The following CCDC18 variants were observed in gnomAD, a reference collection of about 807,000 sequenced individuals.
The protein encoded by CCDC18 is coiled-coil domain containing 18, also known as coiled-coil domain-containing protein 18.
In CCDC18, 157 loss-of-function variants were observed where a neutral mutation model predicts 196.0. That is an observed-to-expected ratio of 0.80 (90% CI 0.70 to 0.91). CCDC18 has a LOEUF of 0.91. CCDC18 is among the 40% of genes least tolerant of loss of function. The pLI is 0.00. For missense variants in CCDC18, 1,465 were observed against 1,611.6 expected, an observed-to-expected ratio of 0.91 and a Z score of 1.56; for synonymous variants, 482 against 529.2, an observed-to-expected ratio of 0.91 and a Z score of 1.22.
intron 1 of CCDC18, among the ~76,000 whole-genome samples, chr1:93,182,186 G>T (rs1339144408): frequency 2.0e-5 from 3 of 152,164 alleles, no homozygotes; most frequent in Non-Finnish European, 4.4e-5. Flanking sequence ...TGTCTATTAA[G>T]ATTACATAGT....
chr1:93,248,009 CTTTTT>C (rs71586785), intron 23 of CCDC18, among the ~76,000 whole-genome samples: 1 of 69,780 alleles, frequency 1.4e-5, no homozygotes, highest in African/African-American at 6.5e-5. Context: ...TATTTTCCTT[CTTTTT>C]TTTTTTTTTT....
chr1:93,229,914 C>T (rs1658974969), intron 17 of CCDC18, among the ~76,000 whole-genome samples: 1 of 151,948 alleles, frequency 6.6e-6, no homozygotes, highest in South Asian at 2.1e-4. Flanking sequence ...AGATTTTATT[C>T]AATAAAATCA....
chr1:93,276,893 C>G (rs71652529), intron 28 of CCDC18, among the ~76,000 whole-genome samples: 24,180 of 144,852 alleles, frequency 0.17, 2,284 homozygotes, highest in African/African-American at 0.21. Flanking sequence ...AATAAGGGGA[C>G]CCGGGGAACC....
At chr1:93,203,583 G>T (rs1188423846) in intron 7 of CCDC18, among the ~76,000 whole-genome samples, 2 of 152,156 alleles carry the variant, frequency 1.3e-5, no homozygotes, top group Non-Finnish European at 2.9e-5. Context: ...AGAGAATCAG[G>T]AAAGTATAAT....
At chr1:93,218,421 G>A (rs1656849368) in intron 14 of CCDC18, among the ~76,000 whole-genome samples, 1 of 151,878 alleles carries the variant, frequency 6.6e-6, no homozygotes, top group African/African-American at 2.4e-5. Flanking sequence ...TAATAAAATC[G>A]ACCAATTGTA....
At chr1:93,189,869 G>C (rs1457285130) in intron 4 of CCDC18, among the ~76,000 whole-genome samples, 2 of 152,028 alleles carry the variant, frequency 1.3e-5, no homozygotes, top group Non-Finnish European at 2.9e-5. Context: ...GTTTTGCCAT[G>C]TTGCCCAGGC....
chr1:93,222,009 G>A, intron 16 of CCDC18, 73 bp downstream of exon 16: 1 of 1,047,924 alleles, frequency 9.5e-7, no homozygotes, highest in Non-Finnish European at 1.4e-6. Context: ...TCTCTCATTT[G>A]CCTAGGCTGG....
chr1:93,227,018 A>G (rs549552738), intron 17 of CCDC18, among the ~76,000 whole-genome samples: 1 of 152,226 alleles, frequency 6.6e-6, no homozygotes, highest in South Asian at 2.1e-4. Context: ...CTAATATAAT[A>G]TTACATGACA....
At position 93,239,486 on chromosome 1, in the gene CCDC18, T is replaced by TTAGATGAGTA. The variant is rs1350801881; in HGVS notation, c.2767+17_2767+26dup. On this transcript the variant is annotated intron_variant, in intron 20 of 28. Transcript: ENST00000690025. Reference sequence around the variant, plus strand: ...AAAACAAATGCTGGTAAGCAAGTGGTTAGATGAGTATAGCTGCCTATGTAT... The same window carrying TTAGATGAGTA: ...AAAACAAATGCTGGTAAGCAAGTGGTTAGATGAGTATAGATGAGTATAGCTGCCTATGTAT... The TTAGATGAGTA allele has an allele frequency of 1.9e-6, 3 of 1,603,570 alleles. No individual in the cohort carries two copies. The highest frequency in any genetic ancestry group is 2.6e-6 in the Non-Finnish European group (3 of 1,176,036).
chr1:93,227,971 A>ATATATATATATAT (rs1553175508), intron 17 of CCDC18, among the ~76,000 whole-genome samples: 1 of 125,356 alleles, frequency 8.0e-6, no homozygotes, highest in East Asian at 2.2e-4. Context: ...AAAAAAAAAA[A>ATATATATATATAT]ATATATATAT....
intron 4 of CCDC18, 85 bp downstream of exon 4, chr1:93,186,588 C>T (rs1650713664): frequency 9.3e-7 from 1 of 1,079,920 alleles, no homozygotes; most frequent in Non-Finnish European, 1.3e-6. Flanking sequence ...TGTATTGCCA[C>T]ATTGCCTTAA....
intron 23 of CCDC18, among the ~76,000 whole-genome samples, chr1:93,250,689 A>G (rs1662117516): frequency 6.6e-6 from 1 of 152,156 alleles, no homozygotes. Flanking sequence ...TCCTCTTGCT[A>G]GCGTGACACA....
intron 18 of CCDC18, among the ~76,000 whole-genome samples, chr1:93,233,258 A>C (rs1180156227): frequency 6.6e-6 from 1 of 152,182 alleles, no homozygotes; most frequent in African/African-American, 2.4e-5. Flanking sequence ...ATCCCAAGGG[A>C]AAATACCCCT....
intron 6 of CCDC18, among the ~76,000 whole-genome samples, chr1:93,200,247 A>G (rs1242021707): frequency 6.6e-6 from 1 of 152,006 alleles, no homozygotes; most frequent in Non-Finnish European, 1.5e-5. Context: ...ACTGTTTGGA[A>G]TACAGGCGTG....
intron 24 of CCDC18, among the ~76,000 whole-genome samples, chr1:93,255,294 A>G (rs1662810609): frequency 6.6e-6 from 1 of 152,118 alleles, no homozygotes; most frequent in Non-Finnish European, 1.5e-5. Flanking sequence ...GTCTGTTAGG[A>G]ACTCCATCAA....
chr1:93,180,566 T>A, upstream of CCDC18: 1 of 1,439,668 alleles, frequency 6.9e-7, no homozygotes, highest in African/African-American at 1.5e-5. Flanking sequence ...ATGGCGGTAA[T>A]TGTGGGAAAT....
intron 4 of CCDC18, among the ~76,000 whole-genome samples, chr1:93,187,520 G>A (rs1222595128): frequency 2.0e-5 from 3 of 152,020 alleles, no homozygotes; most frequent in African/African-American, 7.2e-5. Context: ...TGATAATTTC[G>A]AGAGAGACTG....
chr1:93,207,805 T>G (rs1200832030), intron 9 of CCDC18, among the ~76,000 whole-genome samples: 2 of 152,192 alleles, frequency 1.3e-5, no homozygotes, highest in African/African-American at 4.8e-5. Flanking sequence ...CTGTACTCAC[T>G]TCTACCCCTA....
At chr1:93,268,521 A>T (rs1199239775) in intron 27 of CCDC18, among the ~76,000 whole-genome samples, 1 of 152,278 alleles carries the variant, frequency 6.6e-6, no homozygotes, top group Non-Finnish European at 1.5e-5. Context: ...AATTTTTGCA[A>T]TCTACTCATC....
Sources: gnomAD v4.1 joint callset for allele counts (sites outside exome capture counted in the v4.1 genomes callset) on GRCh38, gnomAD v4.1.1 for gene constraint, MANE v1.5 for transcripts, NCBI Gene and HGNC (gene_info 2026-07-23, HGNC 2026-07-21) for gene names.